Variants in MTMR3 observed in about 807,000 individuals in gnomAD.
MTMR3 encodes the protein myotubularin related protein 3.
MTMR3 carries 32 observed loss-of-function variants against 132.4 expected under a neutral mutation model. The ratio of observed to expected loss-of-function variants is 0.24; its 90% CI spans 0.18 to 0.32. MTMR3 has a LOEUF of 0.32. Among genes scored for constraint, MTMR3 ranks in the 10% least tolerant of loss-of-function variants. The probability of loss-of-function intolerance (pLI) is 1.00; values close to 1 mark genes in which losing one functional copy is unlikely to be tolerated. For synonymous variants in MTMR3, 556 were observed against 550.3 expected (o/e 1.01, Z -0.14); for missense variants, 1,216 against 1,489.6 (o/e 0.82, Z 3.02).
chr22:29,967,665 T>C (rs1012148797), intron 2 of MTMR3, among the ~76,000 whole-genome samples: 27 of 152,050 alleles, frequency 1.8e-4, no homozygotes, highest in Non-Finnish European at 1.5e-5. Flanking sequence ...AAACATTTCA[T>C]CACCCTGCAA....
intron 1 of MTMR3, among the ~76,000 whole-genome samples, chr22:29,919,838 CTTTAGGAA>C (rs2065376448): frequency 6.6e-6 from 1 of 152,050 alleles, no homozygotes; most frequent in African/African-American, 2.4e-5. Context: ...TGGTTTTAAT[CTTTAGGAA>C]ATATTTTTCT....
chr22:29,905,635 T>C (rs1952031415), intron 1 of MTMR3, among the ~76,000 whole-genome samples: 1 of 152,226 alleles, frequency 6.6e-6, no homozygotes, highest in Non-Finnish European at 1.5e-5. Flanking sequence ...CTTTCAAGCA[T>C]TTTAAATTAA....
chr22:29,939,696 A>C (rs531578953), intron 1 of MTMR3, among the ~76,000 whole-genome samples: 1 of 151,926 alleles, frequency 6.6e-6, no homozygotes, highest in South Asian at 2.2e-4. Context: ...CTTTCAGATG[A>C]GATTGGGAAC....
intron 1 of MTMR3, among the ~76,000 whole-genome samples, chr22:29,884,885 A>G (rs1479457657): frequency 2.6e-5 from 4 of 152,140 alleles, no homozygotes; most frequent in Non-Finnish European, 5.9e-5. Flanking sequence ...GTTTTGAGTA[A>G]ACCCAGTATA....
intron 16 of MTMR3, 60 bp from the exon 17 acceptor site, chr22:30,019,420 C>T: frequency 1.4e-6 from 2 of 1,477,510 alleles, no homozygotes; most frequent in Non-Finnish European, 1.8e-6. Context: ...AACCTATTGT[C>T]TCCTACTTCC....
At chr22:29,993,054 C>G (rs556676979) in intron 7 of MTMR3, 2 of 152,256 alleles carry the variant, frequency 1.3e-5, no homozygotes, top group South Asian at 2.1e-4. Flanking sequence ...TCAGACCTGA[C>G]CATGGTGGAT....
intron 7 of MTMR3, chr22:29,993,540 T>C (rs1267725132): frequency 6.6e-6 from 1 of 152,234 alleles, no homozygotes; most frequent in Non-Finnish European, 1.5e-5. Context: ...GACCCCTGAC[T>C]CCAAGAGGTA....
intron 3 of MTMR3, among the ~76,000 whole-genome samples, chr22:29,975,654 G>A (rs369960213): frequency 5.9e-5 from 9 of 152,316 alleles, no homozygotes; most frequent in African/African-American, 1.4e-4. Context: ...AGGCTTGACC[G>A]TAGTGGCGCA....
rs146417590 is a variant in MTMR3, at chr22:29,946,199, C to G, written c.-137-10837C>G. On this transcript the variant is annotated intron_variant, in intron 1 of 19. Coordinates refer to ENST00000401950, the MANE Select transcript of MTMR3 (RefSeq NM_021090.4). ...CAGATTTTGTCATTGGAAATAGAGT[C>G]AAATGGTTTCTAGACTGGAATACCT... 4.5e-3 allele frequency among the ~76,000 whole-genome samples: 680 copies of G among 152,226 alleles called. 6 individuals are homozygous for G. The highest frequency in any genetic ancestry group is 0.015 in the African/African-American group (641 of 41,542).
At chr22:29,974,780 A>G (rs1023007590) in intron 3 of MTMR3, among the ~76,000 whole-genome samples, 1 of 152,248 alleles carries the variant, frequency 6.6e-6, no homozygotes, top group Non-Finnish European at 1.5e-5. Context: ...GACCTTACAC[A>G]GAATAAAAGT....
chr22:29,981,720 C>G (rs2066747519), intron 5 of MTMR3: 1 of 150,494 alleles, frequency 6.6e-6, no homozygotes, highest in East Asian at 2.0e-4. Flanking sequence ...ACTCAGGAAG[C>G]TGAGGTAGGA....
intron 2 of MTMR3, among the ~76,000 whole-genome samples, chr22:29,966,417 TAG>T (rs1213153905): frequency 6.6e-6 from 1 of 152,222 alleles, no homozygotes; most frequent in Non-Finnish European, 1.5e-5. Context: ...CTTAATTCTG[TAG>T]GTTTCCCTTC....
intron 1 of MTMR3, among the ~76,000 whole-genome samples, chr22:29,940,891 C>T (rs769767214): frequency 1.3e-5 from 2 of 150,014 alleles, no homozygotes; most frequent in Non-Finnish European, 2.9e-5. Context: ...ACCAGGAGTT[C>T]ATATGCATTC....
chr22:30,008,189 T>G lies in MTMR3; in HGVS notation c.1009+157T>G, dbSNP rs2067316131. 5.5e-6 allele frequency: 5 copies of G among 911,562 alleles called. No individual in the cohort carries two copies. In the South Asian group the frequency reaches 5.9e-5, roughly 11 times the overall value. The allele number at this position is 911,562 out of a possible 1,614,324, so 56.5% of individuals were successfully genotyped here. On this transcript the variant is annotated intron_variant, in intron 11 of 19. Coordinates refer to ENST00000401950, the MANE Select transcript of MTMR3 (RefSeq NM_021090.4). Reference sequence around the variant, plus strand: ...GAGCTTCTCTTTGGATTCTTAACACTGTATGTTCTTTTCTGAGGAGAAATG... The same window carrying G: ...GAGCTTCTCTTTGGATTCTTAACACGGTATGTTCTTTTCTGAGGAGAAATG...
chr22:30,016,856 A>G, intron 15 of MTMR3, 158 bp downstream of exon 15: 2 of 847,896 alleles, frequency 2.4e-6, no homozygotes, highest in Non-Finnish European at 3.6e-6. Flanking sequence ...GTCCTGAGGA[A>G]GGCCTGCTTC....
At chr22:29,931,039 A>G (rs2065633823) in intron 1 of MTMR3, among the ~76,000 whole-genome samples, 1 of 151,948 alleles carries the variant, frequency 6.6e-6, no homozygotes, top group Admixed American at 6.6e-5. Flanking sequence ...AAAACTTAAA[A>G]ATGACCTAAC....
chr22:29,957,757 TAG>T (rs1339708230), intron 2 of MTMR3, among the ~76,000 whole-genome samples: 4 of 152,308 alleles, frequency 2.6e-5, no homozygotes, highest in African/African-American at 9.6e-5. Context: ...CTCTTATTAC[TAG>T]AGTTAGTTCA....
intron 1 of MTMR3, among the ~76,000 whole-genome samples, chr22:29,926,976 A>G (rs893880710): frequency 2.6e-5 from 4 of 152,080 alleles, no homozygotes; most frequent in African/African-American, 9.7e-5. Context: ...TTGCACTTAC[A>G]TTTAGGTCTG....
chr22:29,949,500 G>C (rs940611751), intron 1 of MTMR3, among the ~76,000 whole-genome samples: 49 of 94,704 alleles, frequency 5.2e-4, no homozygotes, highest in African/African-American at 1.7e-3. Flanking sequence ...TGTCCCCCGC[G>C]CCCCCCCCCA....
Sources: allele counts gnomAD v4.1 joint callset (sites outside exome capture counted in the v4.1 genomes callset), GRCh38; gene constraint gnomAD v4.1.1; transcripts MANE v1.5; gene names NCBI Gene and HGNC (gene_info 2026-07-23, HGNC 2026-07-21).